NSG1: variants seen among roughly 807,000 people sequenced by gnomAD.
NSG1 encodes neuronal vesicle trafficking-associated protein 1.
In NSG1, 9 loss-of-function variants were observed where a neutral mutation model predicts 19.3. The ratio of observed to expected loss-of-function variants is 0.47; its 90% CI spans 0.28 to 0.81. The LOEUF (loss-of-function observed/expected upper bound fraction) is 0.81, where lower values mean the gene tolerates loss of function less well. Among genes scored for constraint, NSG1 ranks in the 40% least tolerant of loss-of-function variants. The probability of loss-of-function intolerance (pLI) is 0.11; values close to 1 mark genes in which losing one functional copy is unlikely to be tolerated. For synonymous variants in NSG1, 104 were observed against 107.0 expected, an observed-to-expected ratio of 0.97 and a Z score of 0.17; for missense variants, 236 against 242.4, an observed-to-expected ratio of 0.97 and a Z score of 0.18.
intron 4 of NSG1, chr4:4,416,259 C>A (rs1724535513): frequency 1.4e-6 from 1 of 700,380 alleles, no homozygotes; most frequent in Non-Finnish European, 2.6e-6. Flanking sequence ...CGCCCTCCTG[C>A]CAGTGGCAGC....
Position 4,417,683 on chromosome 4 carries a change from C to G in NSG1, c.*248C>G, listed in dbSNP as rs746691509. The G allele has an allele frequency of 1.9e-6, 1 of 519,492 alleles. No homozygotes were observed. Among genetic ancestry groups the G allele is most frequent in the East Asian group, 3.4e-5 (1 of 29,038 alleles). The allele number at this position is 519,492 out of a possible 1,614,324, so 32.2% of individuals were successfully genotyped here. ...TCATGTTAAGATCTTCATTTAGCTC[C>G]TTTACTGGGATTTATTGGATGCTGT... On this transcript the variant is annotated 3_prime_UTR_variant, in exon 5 of 5. Coordinates refer to ENST00000621129, the MANE Select transcript of NSG1 (RefSeq NM_014392.5).
intron 3 of NSG1, among the ~76,000 whole-genome samples, chr4:4,401,984 G>A (rs892841236): frequency 2.0e-5 from 3 of 151,390 alleles, no homozygotes; most frequent in East Asian, 3.9e-4. Context: ...AGGCTGAAGC[G>A]ATCCTCCCAA....
intron 3 of NSG1, among the ~76,000 whole-genome samples, chr4:4,401,667 G>T (rs998499797): frequency 1.3e-5 from 2 of 152,160 alleles, no homozygotes; most frequent in Admixed American, 1.3e-4. Flanking sequence ...CAGCCCTGCA[G>T]GGCTGCTCAA....
intron 3 of NSG1, among the ~76,000 whole-genome samples, chr4:4,404,075 A>G (rs949363400): frequency 2.0e-5 from 3 of 152,240 alleles, no homozygotes; most frequent in African/African-American, 7.2e-5. Context: ...TCTCATTGGC[A>G]GCCACAGTTG....
chr4:4,406,755 C>T (rs1723880127), intron 3 of NSG1, among the ~76,000 whole-genome samples: 1 of 152,192 alleles, frequency 6.6e-6, no homozygotes, highest in African/African-American at 2.4e-5. Context: ...AGGCTGGAGC[C>T]AGGTGCCAGA....
intron 4 of NSG1, chr4:4,416,027 G>A: frequency 1.4e-6 from 1 of 696,682 alleles, no homozygotes; most frequent in Non-Finnish European, 2.6e-6. Flanking sequence ...CTTCAGTGGT[G>A]TCTTTTGGCT....
At chr4:4,386,944 T>C (rs1396242404), upstream of NSG1, 8 of 152,084 alleles carry the variant, frequency 5.3e-5, no homozygotes, top group East Asian at 1.6e-3. Context: ...GGGCGGGCGC[T>C]GCGTCAAGGT....
chr4:4,403,390 T>G (rs1723674459), intron 3 of NSG1, among the ~76,000 whole-genome samples: 1 of 152,194 alleles, frequency 6.6e-6, no homozygotes. Flanking sequence ...GCTTCTGTCT[T>G]CTGGAATCAC....
At chr4:4,413,896 A>G (rs1724365828) in intron 4 of NSG1, among the ~76,000 whole-genome samples, 1 of 151,862 alleles carries the variant, frequency 6.6e-6, no homozygotes, top group Non-Finnish European at 1.5e-5. Context: ...TGGGAGGCAG[A>G]GGGGTAAAAG....
chr4:4,393,264 A>C (rs749933741), intron 3 of NSG1, among the ~76,000 whole-genome samples: 3 of 152,152 alleles, frequency 2.0e-5, no homozygotes, highest in Non-Finnish European at 4.4e-5. Flanking sequence ...CTATTCCTTC[A>C]TCTGTTGAGT....
At chr4:4,402,415 TC>T (rs1230477054) in intron 3 of NSG1, among the ~76,000 whole-genome samples, 14 of 112,062 alleles carry the variant, frequency 1.2e-4, no homozygotes, top group East Asian at 5.8e-4. Flanking sequence ...TGAGACGGAG[TC>T]TTGCTCTGTC....
intron 3 of NSG1, among the ~76,000 whole-genome samples, chr4:4,398,155 A>C (rs1170598829): frequency 1.3e-5 from 2 of 152,048 alleles, no homozygotes; most frequent in Admixed American, 6.6e-5. Context: ...GGGTTTCACT[A>C]TCTTGGCCAG....
intron 4 of NSG1, among the ~76,000 whole-genome samples, chr4:4,412,418 G>T (rs1229608490): frequency 6.6e-6 from 1 of 151,626 alleles, no homozygotes; most frequent in Non-Finnish European, 1.5e-5. Context: ...CTTGGGAATT[G>T]AGAGTCCCCT....
intron 3 of NSG1, among the ~76,000 whole-genome samples, chr4:4,401,943 C>T (rs1723567660): frequency 6.6e-6 from 1 of 151,870 alleles, no homozygotes; most frequent in Non-Finnish European, 1.5e-5. Flanking sequence ...TGTAGTGGCA[C>T]CATCTCGGCT....
At position 4,399,634 on chromosome 4, in the gene NSG1, G is replaced by T. The variant is rs146629375; in HGVS notation, c.246+8043G>T. On this transcript the variant is annotated intron_variant, in intron 3 of 4. Transcript: ENST00000621129. ...AACAAAATCTTACATTTTTGGTGAA[G>T]TATCATTTATTTTTTCTTCTATTGC... 1.1e-3 allele frequency among the ~76,000 whole-genome samples: 161 copies of T among 152,268 alleles called. 1 individual carries two copies. In the East Asian group the frequency reaches 0.027, roughly 25 times the overall value.
rs531775604 is a variant in NSG1 at position 4,405,962 on chromosome 4, C to G, written c.247-3611C>G. On this transcript the variant is annotated intron_variant, in intron 3 of 4. Coordinates refer to ENST00000621129, the MANE Select transcript of NSG1 (RefSeq NM_014392.5). Reference sequence around the variant, plus strand: ...ATCTAGACAGGTGGGGTACCAGGAGCCAAACTGATGTGGCTTCCCAACTGG... The same window carrying G: ...ATCTAGACAGGTGGGGTACCAGGAGGCAAACTGATGTGGCTTCCCAACTGG... 2.4e-4 allele frequency among the ~76,000 whole-genome samples: 36 copies of G among 152,276 alleles called. 1 individual carries two copies. The highest frequency in any genetic ancestry group is 8.7e-4 in the African/African-American group (36 of 41,552).
At chr4:4,396,312 C>T (rs1304594743) in intron 3 of NSG1, among the ~76,000 whole-genome samples, 2 of 152,146 alleles carry the variant, frequency 1.3e-5, no homozygotes, top group East Asian at 3.9e-4. Flanking sequence ...AAGGCTCCCT[C>T]AGGGCCCGCT....
In NSG1 at chr4:4,416,125, G is replaced by A. The variant is rs528288990; in HGVS notation, c.358-1110G>A. Reference sequence around the variant, plus strand: ...ATTGACTTGAGTCCTCAGCAACACGGTGGTGTGACTCATTGGCCGCATTTT... The same window carrying A: ...ATTGACTTGAGTCCTCAGCAACACGATGGTGTGACTCATTGGCCGCATTTT... On this transcript the variant is annotated intron_variant, in intron 4 of 4. Transcript: ENST00000621129. 2.6e-4 allele frequency: 182 copies of A among 702,426 alleles called. 3 individuals carry two copies. The highest frequency in any genetic ancestry group is 1.3e-3 in the South Asian group (91 of 67,588). The allele number at this position is 702,426 out of a possible 1,614,324, so 43.5% of individuals were successfully genotyped here.
At chr4:4,414,554 C>T (rs972237854) in intron 4 of NSG1, among the ~76,000 whole-genome samples, 11 of 152,314 alleles carry the variant, frequency 7.2e-5, no homozygotes, top group African/African-American at 2.6e-4. Context: ...CCTCTTCCCT[C>T]CATATTTGTG....
Sources: allele counts gnomAD v4.1 joint callset (sites outside exome capture counted in the v4.1 genomes callset), GRCh38; gene constraint gnomAD v4.1.1; transcripts MANE v1.5; gene names NCBI Gene and HGNC (gene_info 2026-07-23, HGNC 2026-07-21).